Variants in FSTL4 observed in about 807,000 individuals in gnomAD.
FSTL4 encodes follistatin-related protein 4.
Under a neutral mutation model 78.2 loss-of-function variants are expected in FSTL4, and 28 were observed. The ratio of observed to expected loss-of-function variants is 0.36; its 90% CI spans 0.27 to 0.49. FSTL4 has a LOEUF of 0.49. Ranked by LOEUF, FSTL4 falls within the 20% of genes least tolerant of loss-of-function variation. The probability of loss-of-function intolerance (pLI) is 0.98; values close to 1 mark genes in which losing one functional copy is unlikely to be tolerated. For missense variants in FSTL4, 922 were observed against 1,084.9 expected (o/e 0.85, Z 2.11); for synonymous variants, 422 against 440.5 (o/e 0.96, Z 0.53).
chr5:133,269,184 CAAAAAAAA>C lies in FSTL4; in HGVS notation c.728-19616_728-19609del, dbSNP rs869156118. Among the ~76,000 whole-genome samples the C allele has an allele frequency of 1.7e-3, 103 of 58,996 alleles. No homozygotes were observed. The Middle Eastern group carries it at 0.036, about 20-fold the overall frequency. 38.7% of individuals were successfully genotyped at this position (58,996 alleles called of 152,430 possible). A position where few individuals can be genotyped will look rare whatever the true frequency, so the allele number is the denominator to read the frequency against. The stretch of plus-strand genomic sequence containing the variant: ...TGGGCGATGGAGCGAGACTCCATCT[CAAAAAAAA>C]AAAAAAAAAAAAAGAAAGAGCCAGG... On this transcript the variant is annotated intron_variant, in intron 6 of 15. Transcript: ENST00000265342.
At chr5:133,506,473 A>T (rs1758614592) in intron 3 of FSTL4, among the ~76,000 whole-genome samples, 1 of 152,212 alleles carries the variant, frequency 6.6e-6, no homozygotes, top group Non-Finnish European at 1.5e-5. Flanking sequence ...ATTTGGTCTG[A>T]TGAGCAGGGA....
intron 6 of FSTL4, among the ~76,000 whole-genome samples, chr5:133,297,347 G>C (rs1753421513): frequency 6.6e-6 from 1 of 152,118 alleles, no homozygotes; most frequent in South Asian, 2.1e-4. Context: ...GGCAGAGGAG[G>C]GTGCTCCCAC....
the FSTL4 span, among the ~76,000 whole-genome samples, chr5:133,836,255 T>C: frequency 1.3e-5 from 2 of 152,182 alleles, no homozygotes; most frequent in Admixed American, 1.3e-4. Flanking sequence ...TTTTCTTACC[T>C]CTTTTGGATC....
chr5:133,334,409 C>T (rs1373929699), intron 4 of FSTL4, among the ~76,000 whole-genome samples: 1 of 152,178 alleles, frequency 6.6e-6, no homozygotes, highest in Non-Finnish European at 1.5e-5. Flanking sequence ...TTGTCACAGT[C>T]ATGCCCTCTC....
At chr5:133,231,876 T>A (rs1445323760) in intron 8 of FSTL4, among the ~76,000 whole-genome samples, 1 of 152,120 alleles carries the variant, frequency 6.6e-6, no homozygotes, top group Non-Finnish European at 1.5e-5. Context: ...CAAGTGAAAA[T>A]ATTTGCATCC....
chr5:133,618,184 A>T, the FSTL4 span, among the ~76,000 whole-genome samples: 1 of 152,246 alleles, frequency 6.6e-6, no homozygotes, highest in Non-Finnish European at 1.5e-5. Flanking sequence ...TTCATAACAT[A>T]TAACAATATA....
chr5:133,751,612 G>T, the FSTL4 span, among the ~76,000 whole-genome samples: 1 of 152,160 alleles, frequency 6.6e-6, no homozygotes, highest in Non-Finnish European at 1.5e-5. Context: ...TCCCACGATC[G>T]GTGGGGCGTC....
chr5:133,433,018 T>C (rs1267560686), intron 3 of FSTL4, among the ~76,000 whole-genome samples: 1 of 152,168 alleles, frequency 6.6e-6, no homozygotes, highest in Non-Finnish European at 1.5e-5. Flanking sequence ...TCTTTCTCAT[T>C]AAAAGGCATC....
At chr5:133,357,300 C>T (rs547415714) in intron 4 of FSTL4, among the ~76,000 whole-genome samples, 11 of 152,314 alleles carry the variant, frequency 7.2e-5, no homozygotes, top group Middle Eastern at 3.4e-3. Context: ...TCCCCGTTGG[C>T]CTCTCTGTCT....
chr5:133,646,482 G>A, the FSTL4 span, among the ~76,000 whole-genome samples: 89 of 152,252 alleles, frequency 5.8e-4, no homozygotes, highest in Non-Finnish European at 9.3e-4. Flanking sequence ...GCAATGGAAT[G>A]CCGTGAGCTA....
At chr5:133,557,150 G>A (rs551367403) in intron 3 of FSTL4, among the ~76,000 whole-genome samples, 46 of 152,226 alleles carry the variant, frequency 3.0e-4, no homozygotes, top group African/African-American at 1.1e-3. Flanking sequence ...ACAAAAAAGT[G>A]CCCTTTATTT....
chr5:133,316,117 G>C (rs191256725), intron 5 of FSTL4, among the ~76,000 whole-genome samples: 2 of 152,334 alleles, frequency 1.3e-5, no homozygotes, highest in Non-Finnish European at 2.9e-5. Flanking sequence ...GGGACTTCCA[G>C]GTTATAGCTC....
chr5:133,478,398 C>CT (rs1757962475), intron 3 of FSTL4, among the ~76,000 whole-genome samples: 12 of 152,200 alleles, frequency 7.9e-5, no homozygotes, highest in Non-Finnish European at 1.6e-4. Flanking sequence ...CCATAACCCA[C>CT]TCGGGTTCAG....
the FSTL4 span, among the ~76,000 whole-genome samples, chr5:133,814,706 A>G: frequency 0.014 from 2,195 of 152,304 alleles, 60 homozygotes; most frequent in African/African-American, 0.051. Context: ...TGAGAGCGGA[A>G]GTCTGTCCAG....
intron 3 of FSTL4, among the ~76,000 whole-genome samples, chr5:133,436,202 G>T (rs1194685370): frequency 1.3e-5 from 2 of 152,170 alleles, no homozygotes; most frequent in Non-Finnish European, 2.9e-5. Context: ...ATGGTATATG[G>T]CATTATGAGC....
chr5:133,404,067 G>A (rs536634879), intron 3 of FSTL4, among the ~76,000 whole-genome samples: 7 of 152,352 alleles, frequency 4.6e-5, no homozygotes, highest in Non-Finnish European at 1.0e-4. Flanking sequence ...TCCCTGACAT[G>A]GAAATTGGCT....
At chr5:133,308,116 C>T (rs1180056979) in intron 6 of FSTL4, among the ~76,000 whole-genome samples, 5 of 152,304 alleles carry the variant, frequency 3.3e-5, no homozygotes, top group South Asian at 4.1e-4. Flanking sequence ...TTGGCCACTC[C>T]AGCTTTAACT....
Position 133,220,800 on chromosome 5 carries a change from T to C in FSTL4, c.1406A>G (p.Asp469Gly), listed in dbSNP as rs766313602. 5.6e-6 allele frequency: 9 copies of C among 1,613,072 alleles called. No individual in the cohort carries two copies. Among genetic ancestry groups the C allele is most frequent in the Non-Finnish European group, 6.8e-6 (8 of 1,179,144 alleles). Residue 469 changes from aspartate to glycine, a missense_variant, in exon 12 of 16, where the codon GAC becomes GGC. By Grantham distance (94) the Asp-to-Gly change is moderately conservative. Transcript: ENST00000265342. ...TTTGAGGTGCCTCTGGATCTCACAG[T>C]CCACAGGATGGATGACGATGATACC... ...DDGIIVIHPVDCEIQRHLKPT... is the reference protein window; with the variant it reads ...DDGIIVIHPVGCEIQRHLKPT...
At chr5:133,397,559 A>C (rs1157337247) in intron 4 of FSTL4, among the ~76,000 whole-genome samples, 2 of 152,236 alleles carry the variant, frequency 1.3e-5, no homozygotes, top group African/African-American at 4.8e-5. Context: ...TTTTCTTGTA[A>C]ATGGGTTTAG....
Sources: gnomAD v4.1 joint callset for allele counts (sites outside exome capture counted in the v4.1 genomes callset) on GRCh38, gnomAD v4.1.1 for gene constraint, MANE v1.5 for transcripts, NCBI Gene and HGNC (gene_info 2026-07-23, HGNC 2026-07-21) for gene names.